TES: variants seen among roughly 807,000 people sequenced by gnomAD.
TES encodes the protein testin LIM domain protein.
TES carries 41 observed loss-of-function variants against 48.2 expected under a neutral mutation model. The observed-to-expected ratio is 0.85, with a 90% CI of 0.66 to 1.10. TES has a LOEUF of 1.10. TES is among the 50% of genes least tolerant of loss of function. The pLI is 0.00. For missense variants in TES, 463 were observed against 515.1 expected (o/e 0.90, Z 0.98); for synonymous variants, 162 against 174.9 (o/e 0.93, Z 0.58).
Position 116,249,187 on chromosome 7 carries a change from T to G in TES, c.281T>G (p.Leu94Trp), listed in dbSNP as rs767994570. 24 of 1,613,992 alleles carry G rather than the reference T, an allele frequency of 1.5e-5. No homozygotes were observed. Among genetic ancestry groups the G allele is most frequent in the Non-Finnish European group, 2.0e-5 (24 of 1,179,998 alleles). ...ATGTATAAACGCAATGTTATGATAT[T>G]GACGAATCCAGTTGCTGCCAAGAAG... ...IPMYKRNVMI[L>W]TNPVAAKKNV... The change falls in exon 3 of 7, where the codon TTG (leucine) becomes TGG (tryptophan). Residue 94 changes from leucine (L) to tryptophan (W), a missense_variant. Physicochemically the swap from Leu to Trp is moderately conservative, Grantham distance 61. Transcript: ENST00000358204.
chr7:116,249,830 C>A (rs947181225), intron 3 of TES: 2 of 200,186 alleles, frequency 1.0e-5, no homozygotes, highest in Non-Finnish European at 2.0e-5. Context: ...GTTCCTGGTC[C>A]TACAGACCAT....
rs552757238 is a variant in TES at position 116,250,896 on chromosome 7, T to C, written c.702+400T>C. ...TCAGTTTTGCTTGTGAGAACGTGCCTAAAATTCAAACTTAAATTTAATTTT... is the reference window on the plus strand; with the variant it reads ...TCAGTTTTGCTTGTGAGAACGTGCCCAAAATTCAAACTTAAATTTAATTTT... On this transcript the variant is annotated intron_variant, in intron 4 of 6. Coordinates refer to ENST00000358204, the MANE Select transcript of TES (RefSeq NM_015641.4). Among the ~76,000 whole-genome samples, 4 of 152,342 alleles carry C rather than the reference T, an allele frequency of 2.6e-5. No homozygotes were observed. The South Asian group carries it at 8.3e-4, about 32-fold the overall frequency.
chr7:116,214,951 G>A (rs370846432), intron 1 of TES, among the ~76,000 whole-genome samples: 6 of 151,984 alleles, frequency 3.9e-5, no homozygotes, highest in Admixed American at 1.3e-4. Context: ...TAACACTTAG[G>A]ACACTAATCA....
At chr7:116,222,406 CTT>C (rs1193610942) in intron 1 of TES, among the ~76,000 whole-genome samples, 20 of 152,144 alleles carry the variant, frequency 1.3e-4, no homozygotes. Flanking sequence ...TGCCATGAGC[CTT>C]TTCTTTCATT....
chr7:116,229,230 C>A (rs1237599190), intron 1 of TES, among the ~76,000 whole-genome samples: 1 of 151,910 alleles, frequency 6.6e-6, no homozygotes. Flanking sequence ...TTAAATAACA[C>A]CTTCCCTATT....
intron 2 of TES, among the ~76,000 whole-genome samples, chr7:116,247,780 G>A (rs749316151): frequency 4.5e-4 from 68 of 152,130 alleles, no homozygotes; most frequent in Non-Finnish European, 7.5e-4. Flanking sequence ...TACATTATTA[G>A]TGACTGATAA....
chr7:116,234,390 C>G (rs1322514985), intron 1 of TES, 144 bp from the exon 2 acceptor site: 15 of 654,654 alleles, frequency 2.3e-5, no homozygotes, highest in Non-Finnish European at 4.0e-5. Flanking sequence ...ATGTACATAC[C>G]TGGGTATCAT....
intron 2 of TES, among the ~76,000 whole-genome samples, chr7:116,246,939 C>T (rs35686535): frequency 1.4e-5 from 2 of 137,992 alleles, no homozygotes; most frequent in Non-Finnish European, 3.1e-5. Context: ...AAATCAGAGA[C>T]TAGGCCCCTT....
At position 116,234,623 on chromosome 7, in the gene TES, T is replaced by C. The variant is rs771509037; in HGVS notation, c.113+4T>C. On this transcript the variant is annotated splice_donor_region_variant and intron_variant, in intron 2 of 6. Transcript: ENST00000358204. The stretch of plus-strand genomic sequence containing the variant: ...GATTCGAACTGCACTTCTGGAGGTA[T>C]TGTTTTGAAAACTGCAACCACATTA... 3.1e-6 allele frequency: 5 copies of C among 1,613,086 alleles called. No homozygotes were observed. The highest frequency in any genetic ancestry group is 4.2e-6 in the Non-Finnish European group (5 of 1,179,166).
Position 116,218,715 on chromosome 7 carries a change from A to G in TES, c.27+7981A>G, listed in dbSNP as rs558947536. 4.6e-5 allele frequency among the ~76,000 whole-genome samples: 7 copies of G among 152,240 alleles called. No homozygotes were observed. The East Asian group carries it at 9.7e-4, about 21-fold the overall frequency. ...TTGATAGATTTTTTTTTAAAAAAGG[A>G]AGGAAGATGAGTGAGCAAAACAGAT... On this transcript the variant is annotated intron_variant, in intron 1 of 6. Transcript: ENST00000358204.
intron 1 of TES, among the ~76,000 whole-genome samples, chr7:116,216,790 A>G (rs1451380326): frequency 3.9e-5 from 6 of 152,124 alleles, no homozygotes; most frequent in Admixed American, 2.6e-4. Context: ...AATCTGTAGT[A>G]TAAGGCTCTG....
chr7:116,236,727 A>C (rs1799777423), intron 2 of TES, among the ~76,000 whole-genome samples: 1 of 152,212 alleles, frequency 6.6e-6, no homozygotes, highest in Non-Finnish European at 1.5e-5. Flanking sequence ...TGTCTATATT[A>C]ATCATTTTAA....
rs1056028516 is a variant in TES at position 116,253,826 on chromosome 7, C to G, written c.1077+1350C>G. Among the ~76,000 whole-genome samples, 6 of 152,098 alleles carry G rather than the reference C, an allele frequency of 3.9e-5. No homozygotes were observed. In the East Asian group the frequency reaches 1.2e-3, roughly 29 times the overall value. On this transcript the variant is annotated intron_variant, in intron 6 of 6. Transcript: ENST00000358204. Reference sequence around the variant, plus strand: ...AACTCCACCATTTCCTCCAGACTCTCCATGTTCCCAATGGTGTGTGTGTGG... The same window carrying G: ...AACTCCACCATTTCCTCCAGACTCTGCATGTTCCCAATGGTGTGTGTGTGG...
At chr7:116,244,575 C>T (rs58645300) in intron 2 of TES, among the ~76,000 whole-genome samples, 18,289 of 152,252 alleles carry the variant, frequency 0.12, 1,099 homozygotes, top group South Asian at 0.19. Context: ...CTCCCAGCTG[C>T]TTTCATTGGC....
chr7:116,231,361 TG>T, intron 1 of TES, among the ~76,000 whole-genome samples: 1 of 152,230 alleles, frequency 6.6e-6, no homozygotes, highest in Non-Finnish European at 1.5e-5. Flanking sequence ...TGTCAAACTC[TG>T]TAAAAGTATT....
At chr7:116,226,288 C>T (rs541528220) in intron 1 of TES, among the ~76,000 whole-genome samples, 1 of 152,228 alleles carries the variant, frequency 6.6e-6, no homozygotes, top group South Asian at 2.1e-4. Context: ...AATTGATGTG[C>T]ACACAATCAT....
intron 2 of TES, 105 bp downstream of exon 2, chr7:116,234,724 C>A: frequency 1.1e-6 from 1 of 877,860 alleles, no homozygotes; most frequent in Non-Finnish European, 1.9e-6. Context: ...TGCTAAGTTG[C>A]AGACCTGTTA....
At chr7:116,247,634 TTATCA>T (rs1449663450) in intron 2 of TES, among the ~76,000 whole-genome samples, 1 of 152,196 alleles carries the variant, frequency 6.6e-6, no homozygotes, top group Non-Finnish European at 1.5e-5. Context: ...TTGCTTCTCG[TTATCA>T]TATCAGAAAT....
chr7:116,252,825 T>A (rs546758965), intron 6 of TES: 2 of 287,682 alleles, frequency 7.0e-6, no homozygotes, highest in East Asian at 8.6e-5. Flanking sequence ...ATTGATATTC[T>A]TTAGCTCTAT....
Sources: allele counts gnomAD v4.1 joint callset (sites outside exome capture counted in the v4.1 genomes callset), GRCh38; gene constraint gnomAD v4.1.1; transcripts MANE v1.5; gene names NCBI Gene and HGNC (gene_info 2026-07-23, HGNC 2026-07-21).